Variants in CLPB observed in about 807,000 individuals in gnomAD.
CLPB encodes the protein ClpB family mitochondrial disaggregase.
A neutral mutation model predicts 78.4 loss-of-function variants in CLPB; 40 were observed. The observed-to-expected ratio is 0.51, with a 90% CI of 0.40 to 0.66. CLPB has a LOEUF of 0.66. Ranked by LOEUF, CLPB falls within the 30% of genes least tolerant of loss-of-function variation. The probability of loss-of-function intolerance (pLI) is 0.00; values close to 1 mark genes in which losing one functional copy is unlikely to be tolerated. For synonymous variants in CLPB, 333 were observed against 348.0 expected (o/e 0.96, Z 0.48); for missense variants, 780 against 886.9 (o/e 0.88, Z 1.53).
At chr11:72,343,773 A>G (rs919189074) in intron 5 of CLPB, among the ~76,000 whole-genome samples, 1 of 152,232 alleles carries the variant, frequency 6.6e-6, no homozygotes, top group African/African-American at 2.4e-5. Flanking sequence ...GATGCATGAC[A>G]AAACAGATGA....
chr11:72,419,453 T>C (rs1252941955), intron 2 of CLPB, among the ~76,000 whole-genome samples: 2 of 152,292 alleles, frequency 1.3e-5, no homozygotes, highest in Non-Finnish European at 2.9e-5. Flanking sequence ...TCCTCAGCCA[T>C]CAGAATGGCT....
intron 3 of CLPB, among the ~76,000 whole-genome samples, chr11:72,389,534 G>A (rs994189138): frequency 1.3e-5 from 2 of 152,200 alleles, no homozygotes; most frequent in Non-Finnish European, 2.9e-5. Context: ...AGGAGGCAGA[G>A]TAAAACAGGC....
intron 5 of CLPB, among the ~76,000 whole-genome samples, chr11:72,358,071 G>A (rs1950754625): frequency 6.6e-6 from 1 of 152,190 alleles, no homozygotes. Context: ...TGGGATATGG[G>A]GAAGTGGGAA....
chr11:72,358,397 A>G (rs1950762467), intron 5 of CLPB, among the ~76,000 whole-genome samples: 1 of 152,196 alleles, frequency 6.6e-6, no homozygotes, highest in Non-Finnish European at 1.5e-5. Context: ...ATAGGGTGCC[A>G]TGACCCAGAG....
chr11:72,308,118 A>G (rs55721826), intron 8 of CLPB, among the ~76,000 whole-genome samples: 26,200 of 152,200 alleles, frequency 0.17, 3,570 homozygotes, highest in African/African-American at 0.38. Context: ...ACCTGGCACC[A>G]TGGTGGTCAT....
chr11:72,408,163 C>T, intron 2 of CLPB: 1 of 1,535,562 alleles, frequency 6.5e-7, no homozygotes. Flanking sequence ...TCAGCCCTGC[C>T]CAGCTTCTTG....
chr11:72,364,355 G>A (rs1044409804), intron 4 of CLPB, among the ~76,000 whole-genome samples: 1 of 151,842 alleles, frequency 6.6e-6, no homozygotes, highest in Admixed American at 6.6e-5. Flanking sequence ...TTACATGCAC[G>A]CGCCACCATG....
At chr11:72,427,707 G>A (rs1006020668) in intron 2 of CLPB, among the ~76,000 whole-genome samples, 1 of 152,204 alleles carries the variant, frequency 6.6e-6, no homozygotes, top group Non-Finnish European at 1.5e-5. Context: ...GATTAGGTGT[G>A]TGGTAGGCTA....
intron 7 of CLPB, among the ~76,000 whole-genome samples, chr11:72,314,381 G>T (rs536249561): frequency 7.9e-4 from 121 of 152,214 alleles, no homozygotes; most frequent in African/African-American, 2.9e-3. Context: ...CCCACCCCAG[G>T]GGTCAAAGGT....
chr11:72,330,602 T>C (rs560002122), intron 5 of CLPB, among the ~76,000 whole-genome samples: 3 of 152,310 alleles, frequency 2.0e-5, no homozygotes, highest in African/African-American at 7.2e-5. Flanking sequence ...CCAAAGCCCA[T>C]GTGTAAGCAC....
In CLPB at chr11:72,358,969, T is replaced by C. The variant is rs1434477644; in HGVS notation, c.686A>G (p.Asn229Ser). The part of the protein sequence containing the change: ...TREDDFNNRL[N>S]NRASFKGCTA... ...GCAGCCCTTGAAACTGGCGCGGTTGTTCAGCCTGTTGTTGAAGTCATCCTC... is the reference window on the plus strand; with the variant it reads ...GCAGCCCTTGAAACTGGCGCGGTTGCTCAGCCTGTTGTTGAAGTCATCCTC... The change falls in exon 5 of 16, where the codon AAC becomes AGC. Residue 229 changes from asparagine to serine, a missense_variant. By Grantham distance (46) the Asn-to-Ser change is conservative (BLOSUM62 1). Around this residue, in one of 3 missense-constraint regions of CLPB, gnomAD observed 417 missense variants for 414.7 expected, o/e 1.01. Transcript: ENST00000538039. 6.2e-7 allele frequency: 1 copy of C among 1,613,596 alleles called. No homozygotes were observed. The highest frequency in any genetic ancestry group is 8.5e-7 in the Non-Finnish European group (1 of 1,179,946).
rs1449505933 is a variant in CLPB, at chr11:72,289,504, G to T, written c.*3863C>A. The T allele has an allele frequency of 6.6e-6, 1 of 152,058 alleles. No individual in the cohort carries two copies. The highest frequency in any genetic ancestry group is 1.5e-5 in the Non-Finnish European group (1 of 68,016). The allele number at this position is 152,058 out of a possible 1,614,324, so 9.4% of individuals were successfully genotyped here. A position where few individuals can be genotyped will look rare whatever the true frequency, so the allele number is the denominator to read the frequency against. On this transcript the variant is annotated 3_prime_UTR_variant, in exon 16 of 16. Coordinates refer to ENST00000538039, the MANE Select transcript of CLPB (RefSeq NM_001258392.3). ...GAAAAAGCAGAAAAAGAATAGTAAG[G>T]TTATAAAAATGGCAGTCGCAAACCC...
At chr11:72,397,832 C>T (rs1855453260) in intron 3 of CLPB, among the ~76,000 whole-genome samples, 1 of 152,146 alleles carries the variant, frequency 6.6e-6, no homozygotes, top group Non-Finnish European at 1.5e-5. Flanking sequence ...TCTTCTAAAC[C>T]ACTATCCTCT....
At chr11:72,405,410 A>T (rs1163218648) in intron 2 of CLPB, among the ~76,000 whole-genome samples, 1 of 152,206 alleles carries the variant, frequency 6.6e-6, no homozygotes, top group Non-Finnish European at 1.5e-5. Context: ...TTTCTTCCAG[A>T]AAAGTGCATA....
chr11:72,291,602 C>G lies in CLPB; in HGVS notation c.*1765G>C, dbSNP rs1269064936. The G allele has an allele frequency of 6.6e-6, 1 of 152,046 alleles. No homozygotes were observed. The highest frequency in any genetic ancestry group is 6.5e-5 in the Admixed American group (1 of 15,276). The allele number at this position is 152,046 out of a possible 1,614,324, so 9.4% of individuals were successfully genotyped here. A position where few individuals can be genotyped will look rare whatever the true frequency, so the allele number is the denominator to read the frequency against. Reference sequence around the variant, plus strand: ...GAATTACAGGCATGAGCCACCACACCCGGCAATTTCCTGGTTTTGATAAAC... The same window carrying G: ...GAATTACAGGCATGAGCCACCACACGCGGCAATTTCCTGGTTTTGATAAAC... On this transcript the variant is annotated 3_prime_UTR_variant, in exon 16 of 16. Coordinates refer to ENST00000538039, the MANE Select transcript of CLPB (RefSeq NM_001258392.3).
chr11:72,293,646 C>T, intron 15 of CLPB, 31 bp from the exon 16 acceptor site: 1 of 1,593,506 alleles, frequency 6.3e-7, no homozygotes, highest in South Asian at 1.1e-5. Flanking sequence ...TGGTCACTCC[C>T]TCGGCCTGGA....
rs1384979586 is a variant in CLPB at position 72,288,553 on chromosome 11, C to G, written c.*4814G>C. ...TGCTGCATTGTCTCAGAGCTCAAAT[C>G]CTGGCCACAGCAACATGGGACAAAT... is the stretch of plus-strand genomic sequence containing the variant. On this transcript the variant is annotated 3_prime_UTR_variant, in exon 16 of 16. Coordinates refer to ENST00000538039, the MANE Select transcript of CLPB (RefSeq NM_001258392.3). The G allele has an allele frequency of 6.6e-6, 1 of 152,220 alleles. No individual in the cohort carries two copies. Among genetic ancestry groups the G allele is most frequent in the Non-Finnish European group, 1.5e-5 (1 of 68,088 alleles). 9.4% of individuals were successfully genotyped at this position (152,220 alleles called of 1,614,324 possible).
intron 6 of CLPB, among the ~76,000 whole-genome samples, chr11:72,327,838 A>C (rs976721976): frequency 6.6e-6 from 1 of 152,232 alleles, no homozygotes; most frequent in African/African-American, 2.4e-5. Context: ...AAAGGAAAGA[A>C]GCATTTGCCC....
At chr11:72,387,443 T>C (rs764710908) in intron 3 of CLPB, among the ~76,000 whole-genome samples, 3 of 150,992 alleles carry the variant, frequency 2.0e-5, no homozygotes, top group Admixed American at 1.3e-4. Flanking sequence ...TCAGGAGACA[T>C]ACCAATTAAG....
Sources: allele counts gnomAD v4.1 joint callset (sites outside exome capture counted in the v4.1 genomes callset), GRCh38; gene constraint gnomAD v4.1.1; regional missense constraint gnomAD v4.1.1; transcripts MANE v1.5; gene names NCBI Gene and HGNC (gene_info 2026-07-23, HGNC 2026-07-21).